Variants in SV2C observed in about 807,000 individuals in gnomAD.
The protein encoded by SV2C is synaptic vesicle glycoprotein 2C, also known as solute carrier family 22 member B3.
In SV2C, 49 loss-of-function variants were observed where a neutral mutation model predicts 79.7. The ratio of observed to expected loss-of-function variants is 0.61; its 90% CI spans 0.49 to 0.78. The LOEUF (loss-of-function observed/expected upper bound fraction) is 0.78. Among genes scored for constraint, SV2C ranks in the 30% least tolerant of loss-of-function variants. The probability of loss-of-function intolerance (pLI) is 0.00; values close to 1 mark genes in which losing one functional copy is unlikely to be tolerated. For missense variants in SV2C, 833 were observed against 912.9 expected, an observed-to-expected ratio of 0.91 and a Z score of 1.13; for synonymous variants, 334 against 333.2, an observed-to-expected ratio of 1.00 and a Z score of -0.03.
chr5:76,163,431 G>C (rs902899998), intron 2 of SV2C, among the ~76,000 whole-genome samples: 1 of 152,206 alleles, frequency 6.6e-6, no homozygotes, highest in African/African-American at 2.4e-5. Context: ...CAATATTTAC[G>C]CATTAAGCTT....
chr5:75,988,845 T>TTC, the SV2C span, among the ~76,000 whole-genome samples: 1 of 151,956 alleles, frequency 6.6e-6, no homozygotes, highest in East Asian at 1.9e-4. Context: ...AGGATAGAAA[T>TTC]TCTCCTTTAC....
intron 4 of SV2C, among the ~76,000 whole-genome samples, chr5:76,246,962 G>A (rs1207746796): frequency 6.6e-6 from 1 of 152,212 alleles, no homozygotes; most frequent in East Asian, 1.9e-4. Context: ...GTGGAGGTAC[G>A]AAGAGATTCA....
chr5:76,342,383 G>A (rs1580089937), intron 12 of SV2C, among the ~76,000 whole-genome samples: 1 of 152,266 alleles, frequency 6.6e-6, no homozygotes, highest in Middle Eastern at 3.4e-3. Context: ...TGCTTCCTCA[G>A]GACTAAAAAG....
intron 1 of SV2C, among the ~76,000 whole-genome samples, chr5:76,123,999 A>C (rs538119632): frequency 6.6e-6 from 1 of 152,336 alleles, no homozygotes; most frequent in South Asian, 2.1e-4. Flanking sequence ...GCTGATTGTC[A>C]AGAGTGGGCA....
At chr5:76,260,426 A>C in intron 4 of SV2C, among the ~76,000 whole-genome samples, 1 of 151,986 alleles carries the variant, frequency 6.6e-6, no homozygotes, top group East Asian at 1.9e-4. Context: ...TATTTTATTA[A>C]GCAGAAGCTC....
At chr5:76,263,019 T>C (rs889441982) in intron 4 of SV2C, among the ~76,000 whole-genome samples, 1 of 152,204 alleles carries the variant, frequency 6.6e-6, no homozygotes, top group Non-Finnish European at 1.5e-5. Flanking sequence ...CTGTCTAATA[T>C]TGGCGGTAGG....
intron 4 of SV2C, among the ~76,000 whole-genome samples, chr5:76,277,287 T>C (rs1003180674): frequency 2.6e-5 from 4 of 152,218 alleles, no homozygotes; most frequent in African/African-American, 7.2e-5. Flanking sequence ...CACAGAAACC[T>C]GTATGAAATG....
At chr5:76,150,825 G>C (rs1179917492) in intron 2 of SV2C, among the ~76,000 whole-genome samples, 12 of 151,254 alleles carry the variant, frequency 7.9e-5, no homozygotes, top group Non-Finnish European at 1.5e-5. Flanking sequence ...TTTTTGTGGA[G>C]ATGGGGGCCT....
At chr5:76,242,976 T>C (rs1745833695) in intron 4 of SV2C, among the ~76,000 whole-genome samples, 1 of 119,510 alleles carries the variant, frequency 8.4e-6, no homozygotes, top group Non-Finnish European at 1.6e-5. Flanking sequence ...ATCACACCAC[T>C]GCACTCCAGC....
intron 3 of SV2C, among the ~76,000 whole-genome samples, chr5:76,207,399 C>T (rs946258175): frequency 4.6e-5 from 7 of 151,990 alleles, no homozygotes; most frequent in African/African-American, 1.2e-4. Context: ...TGCAGAGAAA[C>T]GGATTCTTCA....
At chr5:76,185,006 A>C (rs1017655543) in intron 2 of SV2C, among the ~76,000 whole-genome samples, 8 of 152,246 alleles carry the variant, frequency 5.3e-5, no homozygotes, top group African/African-American at 1.9e-4. Flanking sequence ...TCCTAGATAC[A>C]ATGGGGTTAC....
In SV2C at chr5:76,325,475, T is replaced by C. The variant is rs766813892; in HGVS notation, c.2112T>C (p.Ala704=). The C allele has an allele frequency of 3.4e-5, 55 of 1,614,162 alleles. 2 individuals carry two copies. In the Middle Eastern group the frequency reaches 8.2e-4, roughly 24 times the overall value. The part of the protein sequence containing the change: ...SITKSIPILL[A]STVLVCGGLV... Reference sequence around the variant, plus strand: ...CCAAATCAATCCCCATCCTGCTGGCTTCTACTGTGCTCGTGTGTGGAGGAC... The same window carrying C: ...CCAAATCAATCCCCATCCTGCTGGCCTCTACTGTGCTCGTGTGTGGAGGAC... The change falls in exon 13 of 13, where the codon GCT becomes GCC. Residue 704 remains alanine (A), a synonymous_variant. Coordinates refer to ENST00000502798, the MANE Select transcript of SV2C (RefSeq NM_014979.4).
chr5:76,009,906 A>G, the SV2C span, among the ~76,000 whole-genome samples: 10 of 152,128 alleles, frequency 6.6e-5, no homozygotes, highest in African/African-American at 2.4e-4. Flanking sequence ...ATCTCAAATA[A>G]AAGTGAAAAA....
chr5:75,848,247 G>A, the SV2C span, among the ~76,000 whole-genome samples: 10 of 152,334 alleles, frequency 6.6e-5, no homozygotes, highest in African/African-American at 2.2e-4. Flanking sequence ...AGGCAAAGAA[G>A]AGCCTGTTGT....
chr5:76,260,039 C>T (rs901441695), intron 4 of SV2C, among the ~76,000 whole-genome samples: 10 of 152,080 alleles, frequency 6.6e-5, no homozygotes, highest in Admixed American at 1.3e-4. Context: ...CCACAATGGT[C>T]GAACTAATTA....
chr5:76,234,094 A>AT (rs1745533870), intron 4 of SV2C, among the ~76,000 whole-genome samples: 1 of 152,184 alleles, frequency 6.6e-6, no homozygotes, highest in East Asian at 1.9e-4. Context: ...TATGTCATGG[A>AT]TTTTTATAAG....
At chr5:75,963,280 A>C in the SV2C span, among the ~76,000 whole-genome samples, 10 of 152,066 alleles carry the variant, frequency 6.6e-5, no homozygotes, top group Non-Finnish European at 1.5e-5. Context: ...TGCTTCTTTT[A>C]TTTGGTTTTA....
At chr5:76,112,498 T>TG (rs369413862) in intron 1 of SV2C, among the ~76,000 whole-genome samples, 3 of 151,948 alleles carry the variant, frequency 2.0e-5, no homozygotes, top group East Asian at 1.9e-4. Flanking sequence ...GCCAAGGGGA[T>TG]GGGGGGGAGG....
At chr5:75,911,237 G>A in the SV2C span, 1 of 1,549,782 alleles carries the variant, frequency 6.5e-7, no homozygotes, top group Non-Finnish European at 8.9e-7. Flanking sequence ...ATTGGGAGTG[G>A]CAAGTCCCAG....
Sources: allele counts gnomAD v4.1 joint callset (sites outside exome capture counted in the v4.1 genomes callset), GRCh38; gene constraint gnomAD v4.1.1; transcripts MANE v1.5; gene names NCBI Gene and HGNC (gene_info 2026-07-23, HGNC 2026-07-21).